AIG1: variants seen among roughly 807,000 people sequenced by gnomAD.
AIG1 encodes the protein androgen induced 1, also known as androgen-induced gene 1 protein.
A neutral mutation model predicts 31.4 loss-of-function variants in AIG1; 23 were observed. The observed-to-expected ratio is 0.73, with a 90% confidence interval of 0.53 to 1.04. The LOEUF (loss-of-function observed/expected upper bound fraction) is 1.04, where lower values mean the gene tolerates loss of function less well. Ranked by LOEUF, AIG1 falls within the 50% of genes least tolerant of loss-of-function variation. The pLI is 0.00. For synonymous variants in AIG1, 100 were observed against 110.5 expected, an observed-to-expected ratio of 0.90 and a Z score of 0.60; for missense variants, 274 against 295.0, an observed-to-expected ratio of 0.93 and a Z score of 0.52.
At chr6:143,126,448 G>A (rs1782694991) in intron 1 of AIG1, 2 of 152,158 alleles carry the variant, frequency 1.3e-5, no homozygotes, top group Non-Finnish European at 1.5e-5. Context: ...TGTCTCACGG[G>A]GATGAAGTAC....
chr6:143,089,693 A>G (rs1226200868), intron 1 of AIG1, among the ~76,000 whole-genome samples: 20 of 152,200 alleles, frequency 1.3e-4, no homozygotes, highest in Non-Finnish European at 1.5e-5. Flanking sequence ...GGGGAGCCTG[A>G]GTATGAAGAG....
At chr6:143,136,271 A>G (rs1783735963) in intron 1 of AIG1, among the ~76,000 whole-genome samples, 1 of 152,128 alleles carries the variant, frequency 6.6e-6, no homozygotes. Flanking sequence ...CATTCAGTCG[A>G]TTTTTTTATG....
chr6:143,342,835 T>G, downstream of AIG1: 1 of 808,562 alleles, frequency 1.2e-6, no homozygotes, highest in Non-Finnish European at 2.2e-6. Flanking sequence ...ATATTTCAAA[T>G]CTAATCCAGC....
intron 4 of AIG1, among the ~76,000 whole-genome samples, chr6:143,310,173 C>A (rs1775149697): frequency 6.6e-6 from 1 of 151,888 alleles, no homozygotes; most frequent in Non-Finnish European, 1.5e-5. Flanking sequence ...ATATTTTATT[C>A]ATCAAAAGCA....
intron 2 of AIG1, among the ~76,000 whole-genome samples, chr6:143,148,629 C>T (rs1005373676): frequency 6.6e-6 from 1 of 152,074 alleles, no homozygotes; most frequent in Non-Finnish European, 1.5e-5. Context: ...AGTTCAAGAC[C>T]AGCCTGGGGA....
At chr6:143,171,000 C>G (rs775922284) in intron 3 of AIG1, among the ~76,000 whole-genome samples, 1 of 151,896 alleles carries the variant, frequency 6.6e-6, no homozygotes, top group Non-Finnish European at 1.5e-5. Context: ...ATAGAAATTT[C>G]AGATGAATAA....
At chr6:143,203,893 C>G (rs185667873) in intron 3 of AIG1, among the ~76,000 whole-genome samples, 2 of 152,148 alleles carry the variant, frequency 1.3e-5, no homozygotes, top group African/African-American at 4.8e-5. Flanking sequence ...TTGTGAAAAC[C>G]AAATTGCCTT....
intron 3 of AIG1, among the ~76,000 whole-genome samples, chr6:143,250,468 A>G (rs890071581): frequency 6.6e-6 from 1 of 152,234 alleles, no homozygotes; most frequent in Non-Finnish European, 1.5e-5. Flanking sequence ...ACCTATGAAA[A>G]TAACCTATTA....
intron 3 of AIG1, among the ~76,000 whole-genome samples, chr6:143,252,356 G>A (rs1318161711): frequency 6.6e-6 from 1 of 152,046 alleles, no homozygotes; most frequent in Non-Finnish European, 1.5e-5. Flanking sequence ...CCTGACCTCA[G>A]GTGATCCACC....
intron 1 of AIG1, among the ~76,000 whole-genome samples, chr6:143,080,965 A>G (rs1778195420): frequency 6.6e-6 from 1 of 152,216 alleles, no homozygotes; most frequent in Admixed American, 6.5e-5. Context: ...TCTCAGGGAC[A>G]GGTTCCCTGT....
At chr6:143,254,752 G>A (rs543429039) in intron 3 of AIG1, among the ~76,000 whole-genome samples, 128 of 152,274 alleles carry the variant, frequency 8.4e-4, no homozygotes, top group African/African-American at 2.9e-3. Context: ...AGTGGTTCAC[G>A]CTTGTATTCC....
intron 3 of AIG1, among the ~76,000 whole-genome samples, chr6:143,251,114 G>A (rs934771975): frequency 2.0e-5 from 3 of 152,136 alleles, no homozygotes; most frequent in African/African-American, 7.2e-5. Context: ...GTGCAGTGGC[G>A]CAATCTCGGC....
At chr6:143,135,832 A>G (rs1432801229) in intron 1 of AIG1, among the ~76,000 whole-genome samples, 4 of 152,196 alleles carry the variant, frequency 2.6e-5, no homozygotes, top group Non-Finnish European at 5.9e-5. Context: ...CAATGAGTAA[A>G]ATTGTGTCTT....
intron 3 of AIG1, among the ~76,000 whole-genome samples, chr6:143,198,691 T>C (rs986665473): frequency 2.6e-5 from 4 of 152,262 alleles, no homozygotes; most frequent in Admixed American, 1.3e-4. Flanking sequence ...GCAGATGGCC[T>C]ACCACACCAC....
chr6:143,154,906 G>T (rs563958811), intron 2 of AIG1, among the ~76,000 whole-genome samples: 1 of 152,026 alleles, frequency 6.6e-6, no homozygotes, highest in Non-Finnish European at 1.5e-5. Context: ...GGAGTGCAGC[G>T]GTGTGATCTC....
At chr6:143,252,718 TAAAAC>T (rs890188309) in intron 3 of AIG1, among the ~76,000 whole-genome samples, 4 of 152,210 alleles carry the variant, frequency 2.6e-5, no homozygotes, top group Non-Finnish European at 4.4e-5. Context: ...TTTAGCAGCT[TAAAAC>T]AACGCACATT....
intron 4 of AIG1, among the ~76,000 whole-genome samples, chr6:143,294,884 T>G (rs576743212): frequency 6.6e-6 from 1 of 152,282 alleles, no homozygotes; most frequent in Admixed American, 6.5e-5. Context: ...AGTGTTGGAA[T>G]TCTTCAGAGC....
At chr6:143,296,913 G>T (rs761205157) in intron 4 of AIG1, among the ~76,000 whole-genome samples, 2 of 152,174 alleles carry the variant, frequency 1.3e-5, no homozygotes, top group Non-Finnish European at 2.9e-5. Context: ...TGGTGACAAA[G>T]TTCATTAACT....
intron 3 of AIG1, among the ~76,000 whole-genome samples, chr6:143,214,001 C>T (rs1007022895): frequency 3.9e-5 from 6 of 152,124 alleles, no homozygotes; most frequent in African/African-American, 1.2e-4. Context: ...ACAGATCTTT[C>T]ATGAGTTTCT....
Sources: gnomAD v4.1 joint callset for allele counts (sites outside exome capture counted in the v4.1 genomes callset) on GRCh38, gnomAD v4.1.1 for gene constraint, MANE v1.5 for transcripts, NCBI Gene and HGNC (gene_info 2026-07-23, HGNC 2026-07-21) for gene names.